ADARB2: variants seen among roughly 807,000 people sequenced by gnomAD.
ADARB2 encodes the protein inactive double-stranded RNA-specific editase B2.
ADARB2 carries 25 observed loss-of-function variants against 62.2 expected under a neutral mutation model. The observed-to-expected ratio is 0.40, with a 90% CI of 0.29 to 0.56. The LOEUF is 0.56. ADARB2 is among the 20% of genes least tolerant of loss of function. The pLI is 0.43. For synonymous variants in ADARB2, 572 were observed against 500.8 expected (o/e 1.14, Z -1.90); for missense variants, 1,071 against 1,077.4 (o/e 0.99, Z 0.08).
Position 1,183,091 on chromosome 10 carries a change from T to G in ADARB2, c.*102A>C. On this transcript the variant is annotated 3_prime_UTR_variant, in exon 10 of 10. Transcript: ENST00000381312. ...CTCGCGTGTTTCTGGGACACCAAAGTAAAACGAATGCAGGGAACCGGCCGA... is the reference window on the plus strand; with the variant it reads ...CTCGCGTGTTTCTGGGACACCAAAGGAAAACGAATGCAGGGAACCGGCCGA... 1.5e-6 allele frequency: 2 copies of G among 1,362,148 alleles called. No homozygotes were observed. Among genetic ancestry groups the G allele is most frequent in the East Asian group, 2.4e-5 (1 of 41,382 alleles). 84.4% of individuals were successfully genotyped at this position (1,362,148 alleles called of 1,614,324 possible). A position where few individuals can be genotyped will look rare whatever the true frequency, so the allele number is the denominator to read the frequency against.
At chr10:1,578,004 C>T (rs10794763) in intron 1 of ADARB2, among the ~76,000 whole-genome samples, 42,969 of 152,070 alleles carry the variant, frequency 0.28, 6,328 homozygotes, top group South Asian at 0.37. Flanking sequence ...CCTGTGGACA[C>T]GCTGATCTCA....
chr10:1,444,029 C>A (rs1830932610), intron 1 of ADARB2, among the ~76,000 whole-genome samples: 1 of 151,308 alleles, frequency 6.6e-6, no homozygotes, highest in Admixed American at 6.6e-5. Context: ...ATCCATCCAT[C>A]CATCCATCCA....
chr10:1,368,618 G>A (rs908064293), intron 2 of ADARB2, among the ~76,000 whole-genome samples: 3 of 152,214 alleles, frequency 2.0e-5, no homozygotes, highest in African/African-American at 7.2e-5. Context: ...GAAGGGCCGA[G>A]AGCAGCATTA....
chr10:1,289,317 A>G (rs771179349), intron 3 of ADARB2, among the ~76,000 whole-genome samples: 3 of 152,244 alleles, frequency 2.0e-5, no homozygotes, highest in Non-Finnish European at 4.4e-5. Flanking sequence ...TAAAATGTAT[A>G]AAACCAAGCT....
chr10:1,574,136 G>A (rs985472485), intron 1 of ADARB2, among the ~76,000 whole-genome samples: 3 of 152,122 alleles, frequency 2.0e-5, no homozygotes, highest in Admixed American at 6.5e-5. Flanking sequence ...CTTCCCTCCC[G>A]CCTCCCAGCT....
intron 3 of ADARB2, among the ~76,000 whole-genome samples, chr10:1,325,829 C>A (rs4880820): frequency 0.15 from 23,189 of 152,154 alleles, 2,344 homozygotes; most frequent in East Asian, 0.38. Flanking sequence ...GAGCCATCGA[C>A]TGCCATTAGA....
chr10:1,367,608 C>G (rs1832324426), intron 2 of ADARB2, among the ~76,000 whole-genome samples: 1 of 152,122 alleles, frequency 6.6e-6, no homozygotes, highest in Admixed American at 6.6e-5. Context: ...ATGAGATTAA[C>G]CATGGGATTT....
chr10:1,510,125 T>TTTCTTTCC (rs1831912735), intron 1 of ADARB2, among the ~76,000 whole-genome samples: 1 of 129,948 alleles, frequency 7.7e-6, no homozygotes, highest in East Asian at 2.2e-4. Flanking sequence ...TCTTTCTTTC[T>TTTCTTTCC]TTCTTTCTTT....
intron 1 of ADARB2, among the ~76,000 whole-genome samples, chr10:1,707,036 C>T (rs938347063): frequency 6.6e-6 from 1 of 152,030 alleles, no homozygotes; most frequent in African/African-American, 2.4e-5. Flanking sequence ...GAGGGAGATA[C>T]ACCCCACAGA....
chr10:1,315,830 C>T (rs1426911898), intron 3 of ADARB2, among the ~76,000 whole-genome samples: 5 of 152,192 alleles, frequency 3.3e-5, no homozygotes, highest in Admixed American at 1.3e-4. Flanking sequence ...TTTTAGACTA[C>T]ACTTGAAAGC....
chr10:1,283,150 G>A (rs998492814), intron 3 of ADARB2, among the ~76,000 whole-genome samples: 1 of 152,220 alleles, frequency 6.6e-6, no homozygotes, highest in Non-Finnish European at 1.5e-5. Flanking sequence ...GCACTTTCAA[G>A]CTGTGTCCTT....
chr10:1,549,239 C>T (rs900477114), intron 1 of ADARB2, among the ~76,000 whole-genome samples: 78 of 150,948 alleles, frequency 5.2e-4, no homozygotes, highest in African/African-American at 1.7e-3. Flanking sequence ...CATTGAAAGG[C>T]GGAGTGGGGT....
At chr10:1,543,324 A>C (rs1487474237) in intron 1 of ADARB2, among the ~76,000 whole-genome samples, 1 of 152,240 alleles carries the variant, frequency 6.6e-6, no homozygotes, top group Non-Finnish European at 1.5e-5. Flanking sequence ...TCTGCAGTGC[A>C]GTCAAGGCCT....
rs559172600 is a variant in ADARB2 at position 1,464,513 on chromosome 10, G to A, written c.101-85353C>T. 5.0e-4 allele frequency among the ~76,000 whole-genome samples: 46 copies of A among 92,260 alleles called. 4 individuals carry two copies. Among genetic ancestry groups the A allele is most frequent in the Admixed American group, 1.4e-3 (14 of 10,132 alleles). 60.5% of individuals were successfully genotyped at this position (92,260 alleles called of 152,430 possible). A position where few individuals can be genotyped will look rare whatever the true frequency, so the allele number is the denominator to read the frequency against. On this transcript the variant is annotated intron_variant, in intron 1 of 9. Transcript: ENST00000381312. ...GGGCAGTCACAGCAGGCAGCGCGCC[G>A]GAGAAGAGGGTGGACACACACTCCC...
intron 4 of ADARB2, among the ~76,000 whole-genome samples, chr10:1,257,414 C>T (rs372759298): frequency 8.0e-4 from 122 of 152,318 alleles, no homozygotes; most frequent in African/African-American, 2.2e-3. Flanking sequence ...TTTCCTCCAT[C>T]GGGAGCTCCT....
At chr10:1,484,576 A>G (rs1588274375) in intron 1 of ADARB2, among the ~76,000 whole-genome samples, 1 of 152,372 alleles carries the variant, frequency 6.6e-6, no homozygotes, top group South Asian at 2.1e-4. Flanking sequence ...CTGGGCAACC[A>G]CATGGCGTTT....
At chr10:1,522,057 A>T (rs1259146221) in intron 1 of ADARB2, among the ~76,000 whole-genome samples, 1 of 152,174 alleles carries the variant, frequency 6.6e-6, no homozygotes, top group Non-Finnish European at 1.5e-5. Flanking sequence ...TCTACTCCAC[A>T]AGATTGTTAC....
At chr10:1,199,511 G>A (rs1836955513) in intron 8 of ADARB2, 1 of 157,234 alleles carries the variant, frequency 6.4e-6, no homozygotes, top group South Asian at 2.0e-4. Context: ...GGAGGGTGTG[G>A]AGGGCCCGGG....
chr10:1,718,272 C>T, intron 1 of ADARB2, among the ~76,000 whole-genome samples: 1 of 152,198 alleles, frequency 6.6e-6, no homozygotes, highest in East Asian at 1.9e-4. Context: ...TGGAGCTTAG[C>T]TCTTCCCACT....
Sources: allele counts gnomAD v4.1 joint callset (sites outside exome capture counted in the v4.1 genomes callset), GRCh38; gene constraint gnomAD v4.1.1; transcripts MANE v1.5; gene names NCBI Gene and HGNC (gene_info 2026-07-23, HGNC 2026-07-21).